The following PCLO variants were observed in gnomAD, a reference collection of about 807,000 sequenced individuals.
PCLO encodes the protein piccolo presynaptic cytomatrix protein.
A neutral mutation model predicts 427.5 loss-of-function variants in PCLO; 82 were observed. That is an observed-to-expected ratio of 0.19 (90% CI 0.16 to 0.23). The LOEUF is 0.23. Ranked by LOEUF, PCLO falls within the 10% of genes least tolerant of loss-of-function variation. The pLI, the probability that PCLO is intolerant of heterozygous loss-of-function variation, is 1.00. For missense variants in PCLO, 6,239 were observed against 6,115.9 expected, an observed-to-expected ratio of 1.02 and a Z score of -0.67; for synonymous variants, 2,357 against 2,155.4, an observed-to-expected ratio of 1.09 and a Z score of -2.59.
intron 3 of PCLO, among the ~76,000 whole-genome samples, chr7:83,056,863 G>A (rs572840225): frequency 3.3e-5 from 5 of 152,088 alleles, no homozygotes; most frequent in African/African-American, 1.2e-4. Context: ...TATTGTTGTC[G>A]TAAACATTCC....
chr7:82,880,979 G>A (rs1476870355), intron 9 of PCLO, among the ~76,000 whole-genome samples: 1 of 152,120 alleles, frequency 6.6e-6, no homozygotes, highest in Non-Finnish European at 1.5e-5. Context: ...CCTTCTATTT[G>A]AATATCTTTA....
chr7:82,875,994 T>C (rs1793360106), intron 10 of PCLO, among the ~76,000 whole-genome samples: 1 of 152,068 alleles, frequency 6.6e-6, no homozygotes, highest in Non-Finnish European at 1.5e-5. Context: ...TCAAATAAAC[T>C]GTAAGATGAT....
chr7:83,132,333 C>T (rs1248002188), intron 3 of PCLO, among the ~76,000 whole-genome samples: 1 of 152,130 alleles, frequency 6.6e-6, no homozygotes, highest in African/African-American at 2.4e-5. Flanking sequence ...TACGATCACT[C>T]ACATTTGAAG....
chr7:82,901,761 C>G (rs1204092895), intron 9 of PCLO, among the ~76,000 whole-genome samples: 1 of 152,028 alleles, frequency 6.6e-6, no homozygotes, highest in Non-Finnish European at 1.5e-5. Context: ...AAAAAGTGGG[C>G]AAAGGATATG....
intron 1 of PCLO, among the ~76,000 whole-genome samples, chr7:83,159,785 A>C (rs1792387667): frequency 6.6e-6 from 1 of 151,816 alleles, no homozygotes; most frequent in South Asian, 2.1e-4. Flanking sequence ...CAACTTTGGG[A>C]CTATCTGTTA....
intron 6 of PCLO, among the ~76,000 whole-genome samples, chr7:82,943,150 C>G (rs2116390279): frequency 6.6e-6 from 1 of 152,164 alleles, no homozygotes; most frequent in African/African-American, 2.4e-5. Context: ...GCTATCAAAA[C>G]AGCAATCAGT....
intron 3 of PCLO, among the ~76,000 whole-genome samples, chr7:83,121,629 C>T (rs1031747519): frequency 6.6e-6 from 1 of 151,764 alleles, no homozygotes; most frequent in Non-Finnish European, 1.5e-5. Flanking sequence ...CTATAAGAAA[C>T]TCACTTCACC....
At chr7:83,040,642 A>T (rs1360305992) in intron 3 of PCLO, among the ~76,000 whole-genome samples, 1 of 152,130 alleles carries the variant, frequency 6.6e-6, no homozygotes, top group African/African-American at 2.4e-5. Flanking sequence ...TACATCTCTA[A>T]TAAATCTATC....
chr7:82,985,106 C>T (rs1018425729), intron 3 of PCLO, among the ~76,000 whole-genome samples: 11 of 151,902 alleles, frequency 7.2e-5, no homozygotes. Context: ...AATAGATCCT[C>T]AGAGAGAGCA....
chr7:82,771,025 A>G (rs1409378149), intron 22 of PCLO, among the ~76,000 whole-genome samples: 1 of 151,912 alleles, frequency 6.6e-6, no homozygotes, highest in Non-Finnish European at 1.5e-5. Flanking sequence ...GTATTTTTTT[A>G]AAGGTTTATC....
At chr7:82,854,691 A>T (rs529638074) in intron 10 of PCLO, among the ~76,000 whole-genome samples, 1 of 152,250 alleles carries the variant, frequency 6.6e-6, no homozygotes, top group African/African-American at 2.4e-5. Flanking sequence ...ACTGTTGACA[A>T]GAATTCTTTA....
At chr7:83,137,419 TATTCATTC>T (rs893560299) in intron 2 of PCLO, among the ~76,000 whole-genome samples, 1 of 152,166 alleles carries the variant, frequency 6.6e-6, no homozygotes, top group Non-Finnish European at 1.5e-5. Flanking sequence ...GGTACATGGA[TATTCATTC>T]ATTCATTCAT....
Position 83,012,609 on chromosome 7 carries a change from C to T in PCLO, c.3301-46122G>A, listed in dbSNP as rs537370650. On this transcript the variant is annotated intron_variant, in intron 3 of 24. Coordinates refer to ENST00000333891, the MANE Select transcript of PCLO (RefSeq NM_033026.6). ...TCCAGCCTGGGCAACAAAAGTGAAA[C>T]TCTGTCTCAAGGAAAAAAAAAAAAA... Among the ~76,000 whole-genome samples the T allele has an allele frequency of 2.1e-4, 17 of 81,462 alleles. 1 individual carries two copies. The South Asian group carries it at 7.0e-3, about 34-fold the overall frequency. The allele number at this position is 81,462 out of a possible 152,430, so 53.4% of individuals were successfully genotyped here. A position where few individuals can be genotyped will look rare whatever the true frequency, so the allele number is the denominator to read the frequency against.
intron 3 of PCLO, among the ~76,000 whole-genome samples, chr7:83,048,280 G>A (rs908889502): frequency 6.6e-6 from 1 of 151,828 alleles, no homozygotes; most frequent in African/African-American, 2.4e-5. Flanking sequence ...TCTTAAACAA[G>A]AATACTATAC....
chr7:83,002,234 T>A (rs963976341), intron 3 of PCLO, among the ~76,000 whole-genome samples: 2 of 151,982 alleles, frequency 1.3e-5, no homozygotes, highest in African/African-American at 4.8e-5. Flanking sequence ...ATTTATATTT[T>A]CCATCCTTCT....
intron 3 of PCLO, among the ~76,000 whole-genome samples, chr7:83,096,934 ATATAT>A (rs1229110355): frequency 2.1e-5 from 1 of 48,772 alleles, no homozygotes; most frequent in Non-Finnish European, 3.4e-5. Flanking sequence ...ATATAATATA[ATATAT>A]TATATATTAT....
At chr7:83,089,372 A>G (rs1410887974) in intron 3 of PCLO, among the ~76,000 whole-genome samples, 1 of 152,056 alleles carries the variant, frequency 6.6e-6, no homozygotes, top group Non-Finnish European at 1.5e-5. Flanking sequence ...AGTCTTTCTT[A>G]TTCTAGAACA....
At chr7:82,833,405 T>C (rs896129361) in intron 16 of PCLO, among the ~76,000 whole-genome samples, 1 of 152,164 alleles carries the variant, frequency 6.6e-6, no homozygotes, top group Non-Finnish European at 1.5e-5. Context: ...CAACAGGAAG[T>C]ATTGAGTTCA....
intron 14 of PCLO, 36 bp downstream of exon 14, chr7:82,841,423 G>T: frequency 7.4e-7 from 1 of 1,347,076 alleles, no homozygotes; most frequent in Non-Finnish European, 1.1e-6. Context: ...AACCAAAAAA[G>T]GTTATATAAT....
Sources: allele counts gnomAD v4.1 joint callset (sites outside exome capture counted in the v4.1 genomes callset), GRCh38; gene constraint gnomAD v4.1.1; transcripts MANE v1.5; gene names NCBI Gene and HGNC (gene_info 2026-07-23, HGNC 2026-07-21).